The following IL33 variants were observed in gnomAD, a reference collection of about 807,000 sequenced individuals.
IL33 encodes the protein interleukin 33.
A neutral mutation model predicts 27.3 loss-of-function variants in IL33; 37 were observed. The observed-to-expected ratio is 1.36, with a 90% CI of 1.04 to 1.78. IL33 has a LOEUF of 1.78. IL33 is among the 40% of genes most tolerant of loss of function. IL33 has a pLI of 0.00. For synonymous variants in IL33, 132 were observed against 102.9 expected, an observed-to-expected ratio of 1.28 and a Z score of -1.71; for missense variants, 406 against 311.4, an observed-to-expected ratio of 1.30 and a Z score of -2.29.
chr9:6,247,510 C>G (rs867027447), intron 2 of IL33, among the ~76,000 whole-genome samples: 14 of 152,152 alleles, frequency 9.2e-5, no homozygotes, highest in Admixed American at 2.6e-4. Context: ...ATTTCCAGGG[C>G]CCTTCCTATT....
chr9:6,227,994 A>G (rs1303153870), intron 1 of IL33, among the ~76,000 whole-genome samples: 1 of 152,176 alleles, frequency 6.6e-6, no homozygotes, highest in African/African-American at 2.4e-5. Flanking sequence ...GGCCTTGGGC[A>G]TTTACTTGAT....
intron 1 of IL33, among the ~76,000 whole-genome samples, chr9:6,235,361 C>A (rs1053015158): frequency 2.6e-5 from 4 of 152,018 alleles, no homozygotes; most frequent in Non-Finnish European, 5.9e-5. Context: ...ATTCTTTATA[C>A]CAAAAGTAAC....
At chr9:6,253,738 A>AAC in intron 6 of IL33, 136 bp downstream of exon 6, 1 of 606,874 alleles carries the variant, frequency 1.6e-6, no homozygotes, top group Non-Finnish European at 2.9e-6. Context: ...CTCATGGTAA[A>AAC]ACCTTAGATT....
chr9:6,228,019 G>A (rs1818726873), intron 1 of IL33, among the ~76,000 whole-genome samples: 2 of 152,128 alleles, frequency 1.3e-5, no homozygotes, highest in East Asian at 1.9e-4. Context: ...CTGTACCTCA[G>A]TTTCCTCATA....
At chr9:6,243,515 G>T (rs1297090798) in intron 2 of IL33, among the ~76,000 whole-genome samples, 1 of 152,046 alleles carries the variant, frequency 6.6e-6, no homozygotes, top group South Asian at 2.1e-4. Flanking sequence ...CACCATACCT[G>T]GCTAATTTTT....
intron 2 of IL33, among the ~76,000 whole-genome samples, chr9:6,248,980 C>G (rs1816175328): frequency 6.6e-6 from 1 of 152,170 alleles, no homozygotes. Context: ...TATTAAATTA[C>G]TTGTCAGGAG....
intron 1 of IL33, among the ~76,000 whole-genome samples, chr9:6,221,744 T>C (rs1328909264): frequency 6.6e-6 from 1 of 152,198 alleles, no homozygotes; most frequent in African/African-American, 2.4e-5. Flanking sequence ...TCGCTGTACA[T>C]ATTTTATGAA....
intron 7 of IL33, among the ~76,000 whole-genome samples, chr9:6,255,732 C>T (rs1816687742): frequency 6.6e-6 from 1 of 152,068 alleles, no homozygotes; most frequent in African/African-American, 2.4e-5. Context: ...GATCCAATCA[C>T]CCTAATCCAT....
intron 2 of IL33, among the ~76,000 whole-genome samples, chr9:6,247,892 G>A (rs77212838): frequency 1.1e-3 from 165 of 151,684 alleles, no homozygotes; most frequent in East Asian, 9.3e-3. Context: ...CTAGATGCTA[G>A]CCCCCACATG....
intron 1 of IL33, among the ~76,000 whole-genome samples, chr9:6,229,142 A>G (rs1305617611): frequency 6.6e-6 from 1 of 152,138 alleles, no homozygotes. Flanking sequence ...GGAGCACAGG[A>G]AAGAGTCAAG....
At chr9:6,248,071 A>C (rs1819970552) in intron 2 of IL33, among the ~76,000 whole-genome samples, 1 of 152,072 alleles carries the variant, frequency 6.6e-6, no homozygotes, top group South Asian at 2.1e-4. Flanking sequence ...CTAAAATATA[A>C]AGAATATAAG....
chr9:6,226,091 T>C (rs1818614020), intron 1 of IL33, among the ~76,000 whole-genome samples: 1 of 152,188 alleles, frequency 6.6e-6, no homozygotes, highest in Non-Finnish European at 1.5e-5. Flanking sequence ...CACTGCGGCC[T>C]CAAACTCCTG....
At chr9:6,241,816 A>T in intron 2 of IL33, 31 bp downstream of exon 2, 1 of 1,450,228 alleles carries the variant, frequency 6.9e-7, no homozygotes, top group African/African-American at 1.4e-5. Context: ...TGAATGTTTT[A>T]CGCACTATTT....
intron 2 of IL33, among the ~76,000 whole-genome samples, chr9:6,244,393 C>T (rs1042410444): frequency 3.9e-5 from 6 of 152,088 alleles, no homozygotes; most frequent in African/African-American, 1.4e-4. Flanking sequence ...ATGCTTAAAA[C>T]AATGGATAGT....
chr9:6,227,084 T>C (rs1168806657), intron 1 of IL33, among the ~76,000 whole-genome samples: 2 of 152,258 alleles, frequency 1.3e-5, no homozygotes, highest in Non-Finnish European at 2.9e-5. Flanking sequence ...GGTAAATTCT[T>C]AGAGATATGT....
rs539634723 is a variant in IL33, at chr9:6,224,335, TA to T, written c.-12+8484del. Among the ~76,000 whole-genome samples the T allele has an allele frequency of 3.8e-4, 58 of 152,320 alleles. 1 individual carries two copies. The South Asian group carries it at 0.012, about 31-fold the overall frequency. On this transcript the variant is annotated intron_variant, in intron 1 of 7. Transcript: ENST00000682010. ...TTTTATGTGTTTGAGAAATGTGCCA[TA>T]CCCAAATTAGCCTGCTTTTCTACAA... is the stretch of plus-strand genomic sequence containing the variant.
intron 5 of IL33, 85 bp from the exon 6 acceptor site, chr9:6,253,467 T>C (rs1181440750): frequency 1.2e-6 from 1 of 859,142 alleles, no homozygotes; most frequent in African/African-American, 1.7e-5. Context: ...AAGGGGAGGA[T>C]ATTTTCTGAT....
At chr9:6,239,790 T>C (rs1819426585) in intron 1 of IL33, among the ~76,000 whole-genome samples, 1 of 152,094 alleles carries the variant, frequency 6.6e-6, no homozygotes, top group Non-Finnish European at 1.5e-5. Context: ...CCCTCCCTAT[T>C]CAACTAGCCT....
At chr9:6,240,546 C>T (rs1819469948) in intron 1 of IL33, among the ~76,000 whole-genome samples, 1 of 152,054 alleles carries the variant, frequency 6.6e-6, no homozygotes, top group Admixed American at 6.5e-5. Flanking sequence ...CATATCTAAA[C>T]ACAGAAAAAG....
Sources: gnomAD v4.1 joint callset for allele counts (sites outside exome capture counted in the v4.1 genomes callset) on GRCh38, gnomAD v4.1.1 for gene constraint, MANE v1.5 for transcripts, NCBI Gene and HGNC (gene_info 2026-07-23, HGNC 2026-07-21) for gene names.